The following BCOR variants were observed in gnomAD, a reference collection of about 807,000 sequenced individuals.
BCOR encodes the protein BCL6 corepressor.
A neutral mutation model predicts 86.7 loss-of-function variants in BCOR; 10 were observed. The observed-to-expected ratio is 0.12, with a 90% CI of 0.07 to 0.20. BCOR has a LOEUF of 0.20. Ranked by LOEUF, BCOR falls within the 10% of genes least tolerant of loss-of-function variation. The probability of loss-of-function intolerance (pLI) is 1.00; values close to 1 mark genes in which losing one functional copy is unlikely to be tolerated. For synonymous variants in BCOR, 611 were observed against 609.0 expected (o/e 1.00, Z -0.05); for missense variants, 1,259 against 1,452.1 (o/e 0.87, Z 2.16).
At chrX:40,089,904 G>T (rs933494187) in intron 1 of BCOR, among the ~76,000 whole-genome samples, 10 of 112,294 alleles carry the variant, frequency 8.9e-5, no homozygotes, top group African/African-American at 3.2e-4. Flanking sequence ...ACGCCAGCAA[G>T]ATGTTCTATT....
At chrX:40,153,619 C>A (rs1223980416) in intron 1 of BCOR, among the ~76,000 whole-genome samples, 1 of 111,982 alleles carries the variant, frequency 8.9e-6, no homozygotes, top group Non-Finnish European at 1.9e-5. Flanking sequence ...TTCCCCCTTT[C>A]CCCTGGGCTC....
At position 40,062,120 on chromosome X, in the gene BCOR, A is replaced by AGC; in HGVS notation, c.4428+17_4428+18dup. 8.4e-7 allele frequency: 1 copy of AGC among 1,191,212 alleles called. No individual in the cohort carries two copies. The highest frequency in any genetic ancestry group is 1.1e-6 in the Non-Finnish European group (1 of 885,809). ...CGCCCCCCAGCCTGCAGCCCCAGGGAGCGCCCACAGGGACACACCTCATAG... is the reference window on the plus strand; with the variant it reads ...CGCCCCCCAGCCTGCAGCCCCAGGGAGCGCGCCCACAGGGACACACCTCATAG... On this transcript the variant is annotated intron_variant, in intron 10 of 14. Transcript: ENST00000378444.
chrX:40,144,933 T>C (rs1938006726), intron 1 of BCOR, among the ~76,000 whole-genome samples: 1 of 110,728 alleles, frequency 9.0e-6, no homozygotes, highest in Admixed American at 9.6e-5. Flanking sequence ...ATTTGAAACA[T>C]CTGCCGAGCT....
intron 1 of BCOR, among the ~76,000 whole-genome samples, chrX:40,090,517 C>A (rs1243435009): frequency 8.9e-6 from 1 of 112,489 alleles, no homozygotes; most frequent in African/African-American, 3.2e-5. Flanking sequence ...CCCCAAGTCC[C>A]GGGCACCGCT....
intron 10 of BCOR, among the ~76,000 whole-genome samples, chrX:40,060,045 T>C (rs1312035735): frequency 1.8e-5 from 2 of 112,069 alleles, no homozygotes; most frequent in Non-Finnish European, 3.8e-5. Context: ...TCTTTTTAGC[T>C]AAGCAGAAGA....
intron 3 of BCOR, 150 bp from the exon 4 acceptor site, chrX:40,075,330 G>GGGGGGGGGC: frequency 7.8e-6 from 3 of 385,302 alleles, no homozygotes; most frequent in East Asian, 5.4e-5. Context: ...GGGGTGGGGG[G>GGGGGGGGGC]TCTGTTTCCC....
chrX:40,139,466 T>C lies in BCOR; in HGVS notation c.-41+37541A>G, dbSNP rs1290907975. ...TATATAATATATATACATATATATA[T>C]ATATATATATATATATATATATATA... On this transcript the variant is annotated intron_variant, in intron 1 of 14. Transcript: ENST00000342274. Among the ~76,000 whole-genome samples, 11 of 4,722 alleles carry C rather than the reference T, an allele frequency of 2.3e-3. 1 individual carries two copies. The South Asian group carries it at 0.025, about 11-fold the overall frequency. 4.1% of individuals were successfully genotyped at this position (4,722 alleles called of 115,157 possible).
chrX:40,080,814 TCGTGTG>T (rs1189324669), intron 1 of BCOR, among the ~76,000 whole-genome samples: 2 of 70,699 alleles, frequency 2.8e-5, no homozygotes, highest in East Asian at 9.1e-4. Context: ...CGGTTCACTG[TCGTGTG>T]TGTGTGTGTG....
intron 1 of BCOR, among the ~76,000 whole-genome samples, chrX:40,113,156 G>A (rs1937337749): frequency 9.4e-6 from 1 of 105,972 alleles, no homozygotes; most frequent in Non-Finnish European, 1.9e-5. Context: ...CAGTCCACCC[G>A]CAACGTGGCA....
chrX:40,061,100 G>A (rs12011354), intron 10 of BCOR, among the ~76,000 whole-genome samples: 2,295 of 112,454 alleles, frequency 0.02, 61 homozygotes, highest in African/African-American at 0.071. Context: ...CCTGTCGCCC[G>A]GGTGCTTCTC....
chrX:40,073,807 C>A lies in BCOR; in HGVS notation c.1539G>T (p.Gly513=). The A allele has an allele frequency of 8.2e-7, 1 of 1,212,372 alleles. No homozygotes were observed. Among genetic ancestry groups the A allele is most frequent in the Non-Finnish European group, 1.1e-6 (1 of 895,628 alleles). ...CATTGTTCTCTTCGTTAGGACTTGG[C>A]CCGGGCACCACCCAGGATGAGGGAG... is the stretch of plus-strand genomic sequence containing the variant. ...STAPSSWVVP[G]PSPNEENNGK... The change falls in exon 4 of 15, where the codon GGG becomes GGT. Residue 513 remains glycine, a synonymous_variant. Coordinates refer to ENST00000378444, the MANE Select transcript of BCOR (RefSeq NM_001123385.2).
intron 1 of BCOR, among the ~76,000 whole-genome samples, chrX:40,154,035 C>T (rs999619868): frequency 8.9e-6 from 1 of 112,343 alleles, no homozygotes; most frequent in East Asian, 2.8e-4. Flanking sequence ...TCGGGCCCGC[C>T]GCTCTAGCAG....
chrX:40,121,555 A>G (rs1219306829), intron 1 of BCOR, among the ~76,000 whole-genome samples: 1 of 113,195 alleles, frequency 8.8e-6, no homozygotes, highest in Non-Finnish European at 1.9e-5. Flanking sequence ...GGCACCGTGG[A>G]GAACAGGACT....
At chrX:40,129,869 C>T (rs1470494812) in intron 1 of BCOR, among the ~76,000 whole-genome samples, 1 of 110,631 alleles carries the variant, frequency 9.0e-6, no homozygotes, top group Non-Finnish European at 1.9e-5. Flanking sequence ...GACGAAACCC[C>T]GTCTCTACCA....
rs760794529 is a variant in BCOR at position 40,054,657 on chromosome X, C to A, written c.4742-324G>T. Among the ~76,000 whole-genome samples, 3 of 111,978 alleles carry A rather than the reference C, an allele frequency of 2.7e-5. No homozygotes were observed. In the South Asian group the frequency reaches 1.1e-3, roughly 42 times the overall value. ...AGCTGGGACTAGAGGCGCCCACCACCATGCCCAGCTAATTTTTGTATTTTT... is the reference window on the plus strand; with the variant it reads ...AGCTGGGACTAGAGGCGCCCACCACAATGCCCAGCTAATTTTTGTATTTTT... On this transcript the variant is annotated intron_variant, in intron 12 of 14. Coordinates refer to ENST00000378444, the MANE Select transcript of BCOR (RefSeq NM_001123385.2).
chrX:40,123,872 T>C (rs1011236307), intron 1 of BCOR, among the ~76,000 whole-genome samples: 1 of 110,399 alleles, frequency 9.1e-6, no homozygotes, highest in Non-Finnish European at 1.9e-5. Flanking sequence ...GTTTCCTCTC[T>C]CCCAGCACTA....
intron 1 of BCOR, among the ~76,000 whole-genome samples, chrX:40,138,423 C>CG (rs948945381): frequency 4.5e-5 from 5 of 112,000 alleles, no homozygotes; most frequent in African/African-American, 1.6e-4. Flanking sequence ...AAGGAAAACT[C>CG]GGAGGCCATC....
chrX:40,134,356 G>A (rs1298530514), intron 1 of BCOR, among the ~76,000 whole-genome samples: 3 of 112,020 alleles, frequency 2.7e-5, no homozygotes, highest in African/African-American at 9.7e-5. Context: ...AGGCGTGGTG[G>A]CTCACACTTG....
In BCOR at chrX:40,089,691, C is replaced by T. The variant is rs752767839; in HGVS notation, c.-41+7524G>A. On this transcript the variant is annotated intron_variant, in intron 1 of 14. Transcript: ENST00000378444. ...AGTCAGGGGTAAGGTGGGTCGACTC[C>T]TTTCAGGTCTCTGGGAAAAGTGCTG... 2.4e-3 allele frequency among the ~76,000 whole-genome samples: 266 copies of T among 111,630 alleles called. 1 individual carries two copies. The highest frequency in any genetic ancestry group is 0.014 in the Middle Eastern group (3 of 216).
Sources: allele counts gnomAD v4.1 joint callset (sites outside exome capture counted in the v4.1 genomes callset), GRCh38; gene constraint gnomAD v4.1.1; transcripts MANE v1.5; gene names NCBI Gene and HGNC (gene_info 2026-07-23, HGNC 2026-07-21).